Variants in DOT1L observed in about 807,000 individuals in gnomAD.
DOT1L encodes histone-lysine N-methyltransferase, H3 lysine-79 specific.
A neutral mutation model predicts 153.3 loss-of-function variants in DOT1L; 33 were observed. The ratio of observed to expected loss-of-function variants is 0.22; its 90% CI spans 0.16 to 0.29. The LOEUF (loss-of-function observed/expected upper bound fraction) is 0.29, where lower values mean the gene tolerates loss of function less well. DOT1L is among the 10% of genes least tolerant of loss of function. The pLI, the probability that DOT1L is intolerant of heterozygous loss-of-function variation, is 1.00. For missense variants in DOT1L, 1,847 were observed against 2,119.9 expected, an observed-to-expected ratio of 0.87 and a Z score of 2.53; for synonymous variants, 1,135 against 965.1, an observed-to-expected ratio of 1.18 and a Z score of -3.26.
chr19:2,216,783 GC>G lies in DOT1L; in HGVS notation c.2408+19del, dbSNP rs753483268. 2.5e-6 allele frequency: 4 copies of G among 1,576,552 alleles called. No homozygotes were observed. The highest frequency in any genetic ancestry group is 3.4e-6 in the Non-Finnish European group (4 of 1,164,074). On this transcript the variant is annotated intron_variant, in intron 20 of 27. Transcript: ENST00000398665. ...CATTCGAGGTGAGTGCCCTGGTGGG[GC>G]TGGGGGTCTGCAGCTGGTACCTGCC...
rs763527204 is a variant in DOT1L at position 2,220,288 on chromosome 19, C to T, written c.2806+66C>T. 2.7e-6 allele frequency: 4 copies of T among 1,491,456 alleles called. No individual in the cohort carries two copies. The highest frequency in any genetic ancestry group is 2.8e-5 in the African/African-American group (2 of 72,180). The allele number at this position is 1,491,456 out of a possible 1,614,324, so 92.4% of individuals were successfully genotyped here. On this transcript the variant is annotated intron_variant, in intron 23 of 27. Coordinates refer to ENST00000398665, the MANE Select transcript of DOT1L (RefSeq NM_032482.3). This position sits in a 1 kb window ranked among gnomAD's most constrained non-coding sequence, Gnocchi z 4.5. ...TGCTGCTGCTCTTCAGGCAGGAGGG[C>T]TGGGTTGCTGGGAGTGGAACAGGGC...
At chr19:2,171,804 G>T (rs1313964346) in intron 1 of DOT1L, among the ~76,000 whole-genome samples, 1 of 152,244 alleles carries the variant, frequency 6.6e-6, no homozygotes, top group East Asian at 1.9e-4. Flanking sequence ...AGCGTAATGG[G>T]AGTGTATTTG....
At chr19:2,201,873 C>G (rs147365793) in intron 8 of DOT1L, among the ~76,000 whole-genome samples, 58 of 152,360 alleles carry the variant, frequency 3.8e-4, no homozygotes, top group African/African-American at 1.3e-3. Context: ...GCGTGCAGGT[C>G]TTGACCAGGA....
intron 25 of DOT1L, 57 bp downstream of exon 25, chr19:2,223,543 G>C (rs2144913980): frequency 1.6e-6 from 1 of 617,438 alleles, no homozygotes; most frequent in Admixed American, 3.1e-5. Context: ...GGAGGTGCCT[G>C]CTCACTGTGT....
intron 19 of DOT1L, 155 bp downstream of exon 19, chr19:2,214,751 G>C (rs917151474): frequency 8.4e-7 from 1 of 1,193,982 alleles, no homozygotes; most frequent in Admixed American, 2.8e-5. Flanking sequence ...CTTCTGTCTT[G>C]GGCCGCAGGC....
rs2023564713 is a variant in DOT1L, at chr19:2,207,878, C to A, written c.963+198C>A. On this transcript the variant is annotated intron_variant, in intron 11 of 27. Coordinates refer to ENST00000398665, the MANE Select transcript of DOT1L (RefSeq NM_032482.3). This position sits in a 1 kb window ranked among gnomAD's most constrained non-coding sequence, Gnocchi z 4.5. ...CACCGCAGGACCCACCAGGGTCCTC[C>A]CAGGCACTGGGCGTGTCCTGGGTGA... 6.6e-6 allele frequency among the ~76,000 whole-genome samples: 1 copy of A among 152,082 alleles called. No homozygotes were observed. The highest frequency in any genetic ancestry group is 1.5e-5 in the Non-Finnish European group (1 of 67,974).
chr19:2,196,363 T>C (rs2023020660), intron 7 of DOT1L, among the ~76,000 whole-genome samples: 1 of 152,220 alleles, frequency 6.6e-6, no homozygotes, highest in Non-Finnish European at 1.5e-5. Context: ...AAGAAAGTCT[T>C]GTTCTGTCGC....
chr19:2,188,494 C>CCCCCCCG (rs1491479536), intron 3 of DOT1L, among the ~76,000 whole-genome samples: 10 of 117,624 alleles, frequency 8.5e-5, no homozygotes, highest in South Asian at 3.3e-4. Flanking sequence ...CCCCCCCCCC[C>CCCCCCCG]ACCCGCACAG....
chr19:2,219,012 C>T (rs963054102), intron 22 of DOT1L, among the ~76,000 whole-genome samples: 1 of 152,226 alleles, frequency 6.6e-6, no homozygotes, highest in Non-Finnish European at 1.5e-5. Context: ...GCTGGGATTA[C>T]AGGCATGCAC....
chr19:2,187,448 T>G (rs1049058262), intron 3 of DOT1L, among the ~76,000 whole-genome samples: 2 of 152,150 alleles, frequency 1.3e-5, no homozygotes, highest in African/African-American at 2.4e-5. Context: ...CAGGGGGTCT[T>G]CGTTGGAGCT....
intron 1 of DOT1L, chr19:2,164,568 G>C (rs1390884278): frequency 8.4e-6 from 2 of 237,648 alleles, no homozygotes; most frequent in Non-Finnish European, 1.6e-5. Context: ...ACTCGTGCCG[G>C]CCGCGTTTTG....
At position 2,206,790 on chromosome 19, in the gene DOT1L, C is replaced by T. The variant is rs1476922468; in HGVS notation, c.849C>T (p.Asn283=). The part of the protein sequence containing the change: ...APLNFRINSR[N]LSDIGTIMRV... Reference sequence around the variant, plus strand: ...TGAACTTCAGAATAAACAGTAGAAACTTGAGTGGTAAGAAACTCTCATGTT... The same window carrying T: ...TGAACTTCAGAATAAACAGTAGAAATTTGAGTGGTAAGAAACTCTCATGTT... Residue 283 remains asparagine (N), a synonymous_variant, in exon 10 of 28, where the codon AAC becomes AAT. Transcript: ENST00000398665. The T allele has an allele frequency of 8.1e-6, 13 of 1,613,676 alleles. No homozygotes were observed. Among genetic ancestry groups the T allele is most frequent in the Middle Eastern group, 1.6e-4 (1 of 6,084 alleles).
At position 2,216,262 on chromosome 19, in the gene DOT1L, A is replaced by G; in HGVS notation, c.1924-19A>G. On this transcript the variant is annotated intron_variant, in intron 19 of 27. Transcript: ENST00000398665. ...GGTCCCCCGGTGGGGCGGGCCTGAC[A>G]CCATCTCTCCTCCTGCAGATCAGCA... 2 of 1,549,896 alleles carry G rather than the reference A, an allele frequency of 1.3e-6. No homozygotes were observed. The highest frequency in any genetic ancestry group is 2.4e-5 in the South Asian group (2 of 82,144).
At position 2,208,015 on chromosome 19, in the gene DOT1L, G is replaced by GATA. The variant is rs1465070488; in HGVS notation, c.963+336_963+338dup. On this transcript the variant is annotated intron_variant, in intron 11 of 27. Transcript: ENST00000398665. The surrounding 1 kb of genome is among the most constrained non-coding windows in gnomAD (Gnocchi z 4.4). ...GCCGCCATATCCAGAGGCCCCTGTGGATAGGAGTCCCACGTCCCTGTTCCC... is the reference window on the plus strand; with the variant it reads ...GCCGCCATATCCAGAGGCCCCTGTGGATAATAGGAGTCCCACGTCCCTGTTCCC... Among the ~76,000 whole-genome samples the GATA allele has an allele frequency of 6.6e-6, 1 of 152,168 alleles. No homozygotes were observed. The highest frequency in any genetic ancestry group is 1.5e-5 in the Non-Finnish European group (1 of 68,016).
Position 2,229,999 on chromosome 19 carries a change from AT to A in DOT1L, c.*208del. The A allele has an allele frequency of 1.3e-6, 1 of 761,484 alleles. No homozygotes were observed. The highest frequency in any genetic ancestry group is 2.1e-6 in the Non-Finnish European group (1 of 485,064). The allele number at this position is 761,484 out of a possible 1,614,324, so 47.2% of individuals were successfully genotyped here. On this transcript the variant is annotated 3_prime_UTR_variant, in exon 28 of 28. Coordinates refer to ENST00000398665, the MANE Select transcript of DOT1L (RefSeq NM_032482.3). ...GTCGATAGTTTTAGATAAAGTATTTATCATTTTTTAAAAAGTATAAACAATT... is the reference window on the plus strand; with the variant it reads ...GTCGATAGTTTTAGATAAAGTATTTACATTTTTTAAAAAGTATAAACAATT...
chr19:2,213,121 C>T (rs2023771738), intron 16 of DOT1L: 1 of 181,306 alleles, frequency 5.5e-6, no homozygotes, highest in Non-Finnish European at 1.2e-5. Context: ...GTCAGTGGCT[C>T]CTGGGGTCTT....
intron 22 of DOT1L, among the ~76,000 whole-genome samples, chr19:2,219,870 G>C (rs1015262823): frequency 1.3e-5 from 2 of 152,202 alleles, no homozygotes; most frequent in Non-Finnish European, 2.9e-5. Context: ...CCCGCCTCCT[G>C]ACCTCCCTGC....
Position 2,211,350 on chromosome 19 carries a change from G to T in DOT1L, c.1465+138G>T. 3 of 770,426 alleles carry T rather than the reference G, an allele frequency of 3.9e-6. No homozygotes were observed. In the South Asian group the frequency reaches 5.5e-5, roughly 14 times the overall value. 47.7% of individuals were successfully genotyped at this position (770,426 alleles called of 1,614,324 possible). On this transcript the variant is annotated intron_variant, in intron 15 of 27. Coordinates refer to ENST00000398665, the MANE Select transcript of DOT1L (RefSeq NM_032482.3). ...CCACTGAAGTTTACCCAGGGTTGGG[G>T]TCTGCCTGCTGCAGGGGTCAGTAGA...
At chr19:2,178,755 C>CG (rs34206514) in intron 1 of DOT1L, among the ~76,000 whole-genome samples, 42,778 of 151,554 alleles carry the variant, frequency 0.28, 7,450 homozygotes, top group Non-Finnish European at 0.4. Context: ...TTAGTAGAGA[C>CG]GGGGTTTCAC....
Sources: allele counts gnomAD v4.1 joint callset (sites outside exome capture counted in the v4.1 genomes callset), GRCh38; gene constraint gnomAD v4.1.1; non-coding constraint Gnocchi (gnomAD v3.1); transcripts MANE v1.5; gene names NCBI Gene and HGNC (gene_info 2026-07-23, HGNC 2026-07-21).